TINAGL1: variants seen among roughly 807,000 people sequenced by gnomAD.
The protein encoded by TINAGL1 is tubulointerstitial nephritis antigen like 1.
Under a neutral mutation model 62.0 loss-of-function variants are expected in TINAGL1, and 34 were observed. The ratio of observed to expected loss-of-function variants is 0.55; its 90% confidence interval spans 0.42 to 0.73. The LOEUF (loss-of-function observed/expected upper bound fraction) is 0.73, where lower values mean the gene tolerates loss of function less well. Among genes scored for constraint, TINAGL1 ranks in the 30% least tolerant of loss-of-function variants. TINAGL1 has a pLI of 0.00. For missense variants in TINAGL1, 516 were observed against 653.2 expected (o/e 0.79, Z 2.29); for synonymous variants, 221 against 249.7 (o/e 0.88, Z 1.08).
At chr1:31,586,786 C>G (rs1276706655) in intron 11 of TINAGL1, 31 bp downstream of exon 11, 1 of 1,549,908 alleles carries the variant, frequency 6.5e-7, no homozygotes, top group Non-Finnish European at 8.7e-7. Flanking sequence ...CCCGCCCCCT[C>G]TTCCCCTCGC....
Position 31,576,894 on chromosome 1 carries a change from T to C in TINAGL1, c.-15-240T>C, listed in dbSNP as rs1638975027. The C allele has an allele frequency of 2.2e-6, 1 of 448,624 alleles. No individual in the cohort carries two copies. The highest frequency in any genetic ancestry group is 3.9e-6 in the Non-Finnish European group (1 of 254,558). The allele number at this position is 448,624 out of a possible 1,614,324, so 27.8% of individuals were successfully genotyped here. A position where few individuals can be genotyped will look rare whatever the true frequency, so the allele number is the denominator to read the frequency against. On this transcript the variant is annotated intron_variant, in intron 1 of 11. Transcript: ENST00000271064. This position sits in a 1 kb window ranked among gnomAD's most constrained non-coding sequence, Gnocchi z 5.1. Reference sequence around the variant, plus strand: ...AGCACCAAGAATGCCACCACCCTCATTTCCTTGTCCTTGAAGGTCCCTGCC... The same window carrying C: ...AGCACCAAGAATGCCACCACCCTCACTTCCTTGTCCTTGAAGGTCCCTGCC...
In TINAGL1 at chr1:31,585,239, A is replaced by G. The variant is rs1474887277; in HGVS notation, c.946A>G (p.Met316Val). ...CCCCTGTATGATGCACAGCCGAGCC[A>G]TGGGTCGGGGCAAGCGCCAGGCCAC... ...APPCMMHSRAMGRGKRQATAH... is the reference protein window; with the variant it reads ...APPCMMHSRAVGRGKRQATAH... Residue 316 changes from methionine (M) to valine (V), a missense_variant, in exon 8 of 12, where the codon ATG (methionine) becomes GTG (valine). Transcript: ENST00000271064. This position sits in a 1 kb window ranked among gnomAD's most constrained non-coding sequence, Gnocchi z 4.3. The G allele has an allele frequency of 1.2e-6, 2 of 1,613,578 alleles. No homozygotes were observed. Among genetic ancestry groups the G allele is most frequent in the Admixed American group, 3.3e-5 (2 of 59,914 alleles).
rs576289341 is a variant in TINAGL1, at chr1:31,576,906, T to C, written c.-15-228T>C. ...GCCACCACCCTCATTTCCTTGTCCT[T>C]GAAGGTCCCTGCCTAGGTCAGGGAG... On this transcript the variant is annotated intron_variant, in intron 1 of 11. Coordinates refer to ENST00000271064, the MANE Select transcript of TINAGL1 (RefSeq NM_022164.3). The surrounding 1 kb of genome is among the most constrained non-coding windows in gnomAD (Gnocchi z 5.1). 2 of 467,420 alleles carry C rather than the reference T, an allele frequency of 4.3e-6. No individual in the cohort carries two copies. Among genetic ancestry groups the C allele is most frequent in the Non-Finnish European group, 7.5e-6 (2 of 266,360 alleles). 29.0% of individuals were successfully genotyped at this position (467,420 alleles called of 1,614,324 possible). A position where few individuals can be genotyped will look rare whatever the true frequency, so the allele number is the denominator to read the frequency against.
In TINAGL1 at chr1:31,587,120, T is replaced by C. The variant is rs989085930; in HGVS notation, c.*141T>C. 63 of 1,243,068 alleles carry C rather than the reference T, an allele frequency of 5.1e-5. No homozygotes were observed. Among genetic ancestry groups the C allele is most frequent in the Admixed American group, 8.0e-5 (2 of 24,854 alleles). 77.0% of individuals were successfully genotyped at this position (1,243,068 alleles called of 1,614,324 possible). On this transcript the variant is annotated 3_prime_UTR_variant, in exon 12 of 12. Coordinates refer to ENST00000271064, the MANE Select transcript of TINAGL1 (RefSeq NM_022164.3). The stretch of plus-strand genomic sequence containing the variant: ...GCCAGGGCGCTAATCCCGGCGCGGG[T>C]TCCGCTGACGCAGCGCCCCGCCTGG...
intron 3 of TINAGL1, among the ~76,000 whole-genome samples, chr1:31,581,461 A>C (rs1441135904): frequency 1.3e-5 from 2 of 152,134 alleles, no homozygotes; most frequent in African/African-American, 4.8e-5. Context: ...ATGTGGGCGG[A>C]CACCACAGAC....
In TINAGL1 at chr1:31,587,063, C is replaced by G; in HGVS notation, c.*84C>G. ...GCCCCAATGGGGCGGTGACCCCAGCCTCGCCCGACAGAGCCCGGGGCGCAG... is the reference window on the plus strand; with the variant it reads ...GCCCCAATGGGGCGGTGACCCCAGCGTCGCCCGACAGAGCCCGGGGCGCAG... On this transcript the variant is annotated 3_prime_UTR_variant, in exon 12 of 12. Transcript: ENST00000271064. The G allele has an allele frequency of 7.4e-7, 1 of 1,357,244 alleles. No homozygotes were observed. Among genetic ancestry groups the G allele is most frequent in the Non-Finnish European group, 9.4e-7 (1 of 1,061,774 alleles). The allele number at this position is 1,357,244 out of a possible 1,614,324, so 84.1% of individuals were successfully genotyped here.
In TINAGL1 at chr1:31,584,175, G is replaced by A. The variant is rs1639323456; in HGVS notation, c.583-503G>A. ...GAGTGGCCCTCCCTGCGGAGACTTC[G>A]GCCTTGGGTGACCAGACCCTGGCCC... On this transcript the variant is annotated intron_variant, in intron 5 of 11. Transcript: ENST00000271064. The surrounding 1 kb of genome is among the most constrained non-coding windows in gnomAD (Gnocchi z 4.0). 5.9e-6 allele frequency: 1 copy of A among 169,710 alleles called. No homozygotes were observed. The highest frequency in any genetic ancestry group is 1.5e-4 in the South Asian group (1 of 6,758). The allele number at this position is 169,710 out of a possible 1,614,324, so 10.5% of individuals were successfully genotyped here.
chr1:31,586,583 C>A, intron 10 of TINAGL1, 127 bp from the exon 11 acceptor site: 1 of 1,068,928 alleles, frequency 9.4e-7, no homozygotes, highest in Non-Finnish European at 1.4e-6. Context: ...AGAGACCTGC[C>A]TGAGCCCTAA....
At chr1:31,582,848 G>C (rs906379668) in intron 3 of TINAGL1, among the ~76,000 whole-genome samples, 7 of 151,238 alleles carry the variant, frequency 4.6e-5, no homozygotes, top group Non-Finnish European at 8.8e-5. Context: ...ACTGTAGGGG[G>C]AATAAGTGAG....
rs562991466 is a variant in TINAGL1 at position 31,585,948 on chromosome 1, G to A, written c.1217+72G>A. The A allele has an allele frequency of 4.7e-6, 7 of 1,479,398 alleles. No homozygotes were observed. The East Asian group carries it at 1.7e-4, about 37-fold the overall frequency. The allele number at this position is 1,479,398 out of a possible 1,614,324, so 91.6% of individuals were successfully genotyped here. ...CTAGGGGCTCTGGAGCCTGCCTTGG[G>A]TTCTTACAACCTCTCTAAAAAGCCA... On this transcript the variant is annotated intron_variant, in intron 10 of 11. Transcript: ENST00000271064. The surrounding 1 kb of genome is among the most constrained non-coding windows in gnomAD (Gnocchi z 4.3).
At position 31,585,956 on chromosome 1, in the gene TINAGL1, A is replaced by G; in HGVS notation, c.1217+80A>G. On this transcript the variant is annotated intron_variant, in intron 10 of 11. Coordinates refer to ENST00000271064, the MANE Select transcript of TINAGL1 (RefSeq NM_022164.3). The surrounding 1 kb of genome is among the most constrained non-coding windows in gnomAD (Gnocchi z 4.3). The stretch of plus-strand genomic sequence containing the variant: ...TCTGGAGCCTGCCTTGGGTTCTTAC[A>G]ACCTCTCTAAAAAGCCAGGACTGCT... 1 of 1,462,024 alleles carries G rather than the reference A, an allele frequency of 6.8e-7. No homozygotes were observed. Among genetic ancestry groups the G allele is most frequent in the South Asian group, 1.5e-5 (1 of 68,884 alleles). The allele number at this position is 1,462,024 out of a possible 1,614,324, so 90.6% of individuals were successfully genotyped here. A position where few individuals can be genotyped will look rare whatever the true frequency, so the allele number is the denominator to read the frequency against.
rs1639283583 is a variant in TINAGL1, at chr1:31,582,871, T to C, written c.375-278T>C. On this transcript the variant is annotated intron_variant, in intron 3 of 11. Transcript: ENST00000271064. ...GGGAATAAGTGAGGGGGGTCAGGAA[T>C]TCGGTTCAGGGAGTGTTTTGGTTCA... Among the ~76,000 whole-genome samples, 5 of 151,836 alleles carry C rather than the reference T, an allele frequency of 3.3e-5. 1 individual carries two copies. In the South Asian group the frequency reaches 1.0e-3, roughly 32 times the overall value.
intron 3 of TINAGL1, among the ~76,000 whole-genome samples, chr1:31,582,541 CTTAGGTTT>C (rs1316616751): frequency 6.6e-6 from 1 of 151,990 alleles, no homozygotes; most frequent in Non-Finnish European, 1.5e-5. Flanking sequence ...CATGATATGA[CTTAGGTTT>C]AGCAGGGTCA....
In TINAGL1 at chr1:31,577,384, G is replaced by T. The variant is rs1262930152; in HGVS notation, c.236G>T (p.Arg79Leu). ...TGTTACTGTGACCTCTTCTGCAACC[G>T]CACGGTCTCCGACTGCTGCCCTGAC... ...AICYCDLFCN[R>L]TVSDCCPDFW... Residue 79 changes from arginine to leucine, a missense_variant, in exon 2 of 12, where the codon CGC (arginine) becomes CTC (leucine). Transcript: ENST00000271064. The surrounding 1 kb of genome is among the most constrained non-coding windows in gnomAD (Gnocchi z 5.4). 1 of 1,613,892 alleles carries T rather than the reference G, an allele frequency of 6.2e-7. No homozygotes were observed. The highest frequency in any genetic ancestry group is 8.5e-7 in the Non-Finnish European group (1 of 1,180,030).
intron 3 of TINAGL1, among the ~76,000 whole-genome samples, chr1:31,582,483 C>T (rs1238965779): frequency 6.6e-6 from 1 of 152,118 alleles, no homozygotes; most frequent in East Asian, 1.9e-4. Flanking sequence ...AACTTTGGCT[C>T]TTATTCTGTG....
At chr1:31,579,776 C>T (rs968650479) in intron 3 of TINAGL1, 21 of 164,940 alleles carry the variant, frequency 1.3e-4, no homozygotes, top group Non-Finnish European at 6.6e-5. Flanking sequence ...ATGGGTACCC[C>T]CCTATTCAGT....
chr1:31,579,912 G>T (rs1379191725), intron 3 of TINAGL1: 5 of 168,362 alleles, frequency 3.0e-5, no homozygotes, highest in Admixed American at 2.2e-4. Flanking sequence ...CTTTGCCTGG[G>T]ACTAAGAGGC....
At position 31,576,784 on chromosome 1, in the gene TINAGL1, A is replaced by G. The variant is rs1042731643; in HGVS notation, c.-16+189A>G. On this transcript the variant is annotated intron_variant, in intron 1 of 11. Coordinates refer to ENST00000271064, the MANE Select transcript of TINAGL1 (RefSeq NM_022164.3). This position sits in a 1 kb window ranked among gnomAD's most constrained non-coding sequence, Gnocchi z 5.1. ...CAGGAAAGCACAAAGTCAAGGACCC[A>G]GGTCAGGGATGGAGGCTGCTGGAGG... 2.0e-5 allele frequency among the ~76,000 whole-genome samples: 3 copies of G among 152,190 alleles called. No homozygotes were observed. The highest frequency in any genetic ancestry group is 7.2e-5 in the African/African-American group (3 of 41,452).
rs1639288287 is a variant in TINAGL1, at chr1:31,583,036, C to A, written c.375-113C>A. 1.1e-6 allele frequency: 1 copy of A among 888,534 alleles called. No individual in the cohort carries two copies. Among genetic ancestry groups the A allele is most frequent in the Non-Finnish European group, 1.9e-6 (1 of 533,392 alleles). 55.0% of individuals were successfully genotyped at this position (888,534 alleles called of 1,614,324 possible). ...GGCTGGATGGGATCACCTAGAGATT[C>A]TCCCACAGTCACTTGCACAGACTCC... On this transcript the variant is annotated intron_variant, in intron 3 of 11. Coordinates refer to ENST00000271064, the MANE Select transcript of TINAGL1 (RefSeq NM_022164.3). This position sits in a 1 kb window ranked among gnomAD's most constrained non-coding sequence, Gnocchi z 4.4.
Sources: gnomAD v4.1 joint callset for allele counts (sites outside exome capture counted in the v4.1 genomes callset) on GRCh38, gnomAD v4.1.1 for gene constraint, Gnocchi (gnomAD v3.1) non-coding constraint, MANE v1.5 for transcripts, NCBI Gene and HGNC (gene_info 2026-07-23, HGNC 2026-07-21) for gene names.